Variants in SCRG1 observed in about 807,000 individuals in gnomAD.
The protein encoded by SCRG1 is scrapie-responsive protein 1.
A neutral mutation model predicts 7.7 loss-of-function variants in SCRG1; 3 were observed. That is an observed-to-expected ratio of 0.39 (90% CI 0.18 to 1.01). SCRG1 has a LOEUF of 1.01. SCRG1 is among the 50% of genes least tolerant of loss of function. The pLI, the probability that SCRG1 is intolerant of heterozygous loss-of-function variation, is 0.36. For synonymous variants in SCRG1, 46 were observed against 41.2 expected (o/e 1.12, Z -0.44); for missense variants, 110 against 117.2 (o/e 0.94, Z 0.28).
At chr4:173,428,726 G>A in the SCRG1 span, among the ~76,000 whole-genome samples, 3 of 152,222 alleles carry the variant, frequency 2.0e-5, no homozygotes, top group African/African-American at 4.8e-5. Context: ...AGTGAAATAG[G>A]TGCCCACCAT....
rs1739435031 is a variant in SCRG1, at chr4:173,391,281, A to C, written c.134T>G (p.Val45Gly). The C allele has an allele frequency of 6.2e-7, 1 of 1,613,890 alleles. No individual in the cohort carries two copies. The highest frequency in any genetic ancestry group is 8.5e-7 in the Non-Finnish European group (1 of 1,179,998). ...DHNCHNLPEG[V>G]ADLTQIDVNV... Reference sequence around the variant, plus strand: ...GACATCAATCTGTGTCAGGTCAGCTACTCCTTCCGGAAGGTTGTGACAGTT... The same window carrying C: ...GACATCAATCTGTGTCAGGTCAGCTCCTCCTTCCGGAAGGTTGTGACAGTT... Residue 45 changes from valine (V) to glycine (G), a missense_variant, in exon 2 of 3, where the codon GTA becomes GGA. By Grantham distance (109) the Val-to-Gly change is moderately radical. Transcript: ENST00000296506.
In SCRG1 at chr4:173,384,801, C is replaced by A. The variant is rs1205655989; in HGVS notation, c.*3540G>T. The stretch of plus-strand genomic sequence containing the variant: ...AGTAACGTGGGATTCACAGTAAGAA[C>A]AATGATATAGAAAGTCAAAGATAAC... On this transcript the variant is annotated 3_prime_UTR_variant, in exon 3 of 3. Coordinates refer to ENST00000296506, the MANE Select transcript of SCRG1 (RefSeq NM_007281.4). 2 of 152,136 alleles carry A rather than the reference C, an allele frequency of 1.3e-5. No individual in the cohort carries two copies. Among genetic ancestry groups the A allele is most frequent in the Non-Finnish European group, 1.5e-5 (1 of 68,012 alleles). 9.4% of individuals were successfully genotyped at this position (152,136 alleles called of 1,614,324 possible).
chr4:173,428,002 G>T, the SCRG1 span, among the ~76,000 whole-genome samples: 2 of 152,186 alleles, frequency 1.3e-5, no homozygotes, highest in African/African-American at 4.8e-5. Flanking sequence ...ATAAATAAAA[G>T]TGTGTAAATA....
Position 173,391,365 on chromosome 4 carries a change from C to T in SCRG1, c.50G>A (p.Gly17Glu), listed in dbSNP as rs901309347. The change falls in exon 2 of 3, where the codon GGA (glycine) becomes GAA (glutamate). Residue 17 changes from glycine to glutamate, a missense_variant. Coordinates refer to ENST00000296506, the MANE Select transcript of SCRG1 (RefSeq NM_007281.4). Reference protein sequence around the residue: ...VFTIGLTLLLGVQAMPANRLS... With the variant: ...VFTIGLTLLLEVQAMPANRLS... ...GCGATTTGCAGGCATGGCTTGAACT[C>T]CTAGCAGCAAAGTTAGCCCAATGGT... The T allele has an allele frequency of 6.8e-6, 11 of 1,614,176 alleles. No homozygotes were observed. Among genetic ancestry groups the T allele is most frequent in the Admixed American group, 3.3e-5 (2 of 60,032 alleles).
chr4:173,434,343 T>C, the SCRG1 span, among the ~76,000 whole-genome samples: 58,722 of 151,938 alleles, frequency 0.39, 11,648 homozygotes, highest in South Asian at 0.54. Context: ...GTTATGTTAT[T>C]GCACAAGTTT....
the SCRG1 span, among the ~76,000 whole-genome samples, chr4:173,498,738 ATGTGTG>A: frequency 6.6e-6 from 1 of 151,850 alleles, no homozygotes; most frequent in South Asian, 2.1e-4. Context: ...ATGTATGTAT[ATGTGTG>A]TGTGTGTGTA....
At chr4:173,438,295 T>G in the SCRG1 span, among the ~76,000 whole-genome samples, 1 of 145,466 alleles carries the variant, frequency 6.9e-6, no homozygotes, top group African/African-American at 2.5e-5. Context: ...TTTTTTTTTG[T>G]ATTTTTTTGT....
the SCRG1 span, among the ~76,000 whole-genome samples, chr4:173,471,417 A>G: frequency 6.6e-6 from 1 of 152,214 alleles, no homozygotes; most frequent in East Asian, 1.9e-4. Context: ...AAATATTTCT[A>G]CAAAGGATCA....
chr4:173,494,133 C>G, the SCRG1 span, among the ~76,000 whole-genome samples: 1 of 152,140 alleles, frequency 6.6e-6, no homozygotes, highest in African/African-American at 2.4e-5. Context: ...AACAGGCCAC[C>G]CACACGACAC....
chr4:173,484,396 T>C, the SCRG1 span, among the ~76,000 whole-genome samples: 2 of 75,986 alleles, frequency 2.6e-5, no homozygotes, highest in African/African-American at 1.1e-4. Context: ...TTTTATACAT[T>C]ATATATTATA....
the SCRG1 span, among the ~76,000 whole-genome samples, chr4:173,434,491 T>C: frequency 3.3e-5 from 5 of 152,298 alleles, no homozygotes; most frequent in East Asian, 9.7e-4. Flanking sequence ...AGCAATACGT[T>C]CTAAATGGAA....
At chr4:173,459,294 C>T in the SCRG1 span, among the ~76,000 whole-genome samples, 1 of 152,216 alleles carries the variant, frequency 6.6e-6, no homozygotes, top group East Asian at 1.9e-4. Context: ...CTTCATCCAA[C>T]AGCTGCAGAA....
chr4:173,484,034 A>G, the SCRG1 span, among the ~76,000 whole-genome samples: 4 of 91,810 alleles, frequency 4.4e-5, no homozygotes, highest in African/African-American at 1.4e-4. Context: ...TAATATACAT[A>G]TATAATTATA....
the SCRG1 span, among the ~76,000 whole-genome samples, chr4:173,413,826 C>T: frequency 6.6e-6 from 1 of 152,210 alleles, no homozygotes; most frequent in Non-Finnish European, 1.5e-5. Flanking sequence ...GGTAGCTACT[C>T]ATGTTCAGAT....
intron 1 of SCRG1, among the ~76,000 whole-genome samples, chr4:173,395,499 C>A (rs1739578717): frequency 6.6e-6 from 1 of 152,230 alleles, no homozygotes; most frequent in Admixed American, 6.5e-5. Context: ...CCAGTCATCT[C>A]TTTAATCCTA....
At chr4:173,467,189 T>C in the SCRG1 span, among the ~76,000 whole-genome samples, 2 of 152,106 alleles carry the variant, frequency 1.3e-5, no homozygotes. Context: ...ATCATGTTAA[T>C]TCCCTCTATT....
the SCRG1 span, among the ~76,000 whole-genome samples, chr4:173,413,632 G>C: frequency 1.3e-5 from 2 of 152,180 alleles, no homozygotes; most frequent in South Asian, 2.1e-4. Flanking sequence ...CCAGGTAAAG[G>C]TTCAGGAAAA....
chr4:173,456,325 A>C, the SCRG1 span, among the ~76,000 whole-genome samples: 91 of 152,326 alleles, frequency 6.0e-4, no homozygotes, highest in African/African-American at 2.1e-3. Flanking sequence ...TTTTTAGTGA[A>C]CAGGAAACAT....
chr4:173,461,012 A>G, the SCRG1 span, among the ~76,000 whole-genome samples: 1 of 152,198 alleles, frequency 6.6e-6, no homozygotes, highest in Non-Finnish European at 1.5e-5. Context: ...AAGAGTGGGA[A>G]GGACTGTGTC....
Sources: gnomAD v4.1 joint callset for allele counts (sites outside exome capture counted in the v4.1 genomes callset) on GRCh38, gnomAD v4.1.1 for gene constraint, MANE v1.5 for transcripts, NCBI Gene and HGNC (gene_info 2026-07-23, HGNC 2026-07-21) for gene names.